Variants in LBX1 observed in about 807,000 individuals in gnomAD.
LBX1 encodes ladybird homeobox 1, also known as transcription factor LBX1.
LBX1 carries 6 observed loss-of-function variants against 19.9 expected under a neutral mutation model. The ratio of observed to expected loss-of-function variants is 0.30; its 90% CI spans 0.17 to 0.60. The LOEUF (loss-of-function observed/expected upper bound fraction) is 0.60. Among genes scored for constraint, LBX1 ranks in the 20% least tolerant of loss-of-function variants. LBX1 has a pLI of 0.87. For synonymous variants in LBX1, 190 were observed against 189.3 expected (o/e 1.00, Z -0.03); for missense variants, 344 against 393.7 (o/e 0.87, Z 1.07).
In LBX1 at chr10:101,228,502, T is replaced by A. The variant is rs1378802505; in HGVS notation, c.314A>T (p.Gln105Leu). The A allele has an allele frequency of 1.9e-6, 3 of 1,550,464 alleles. No homozygotes were observed. In the African/African-American group the frequency reaches 4.1e-5, roughly 21 times the overall value. The stretch of plus-strand genomic sequence containing the variant: ...GCAGCTGCGCCTACCTTCGGCTGCC[T>A]GCAGAACGCTGACCTCCAGCCCCTT... ...TFKGLEVSVL[Q>L]AAEGRDGMTI... The change falls in exon 1 of 2, where the codon CAG (glutamine) becomes CTG (leucine). Residue 105 changes from glutamine to leucine, a missense_variant. Gln to Leu is a moderately radical substitution (Grantham distance 113, BLOSUM62 -2). Transcript: ENST00000370193.
chr10:101,227,619 T>C lies in LBX1; in HGVS notation c.497A>G (p.Asn166Ser). 1 of 1,614,160 alleles carries C rather than the reference T, an allele frequency of 6.2e-7. No individual in the cohort carries two copies. Among genetic ancestry groups the C allele is most frequent in the Non-Finnish European group, 8.5e-7 (1 of 1,180,008 alleles). ...CTGGAACCAGGTGATGACTTGCGCG[T>C]TGGTGAGGCCCAGCTGCTGCGCGAT... The part of the protein sequence containing the change: ...DQIAQQLGLT[N>S]AQVITWFQNR... Residue 166 changes from asparagine to serine, a missense_variant, in exon 2 of 2, where the codon AAC becomes AGC. By Grantham distance (46) the Asn-to-Ser change is conservative (BLOSUM62 1). Transcript: ENST00000370193.
chr10:101,228,639 C>G lies in LBX1; in HGVS notation c.177G>C (p.Leu59=). The G allele has an allele frequency of 6.3e-7, 1 of 1,587,650 alleles. No individual in the cohort carries two copies. Among genetic ancestry groups the G allele is most frequent in the Non-Finnish European group, 8.6e-7 (1 of 1,168,378 alleles). ...GCGCGTGCTTGTCCGCGGCGGCCAGCAGGTGCGCCGCCCCGCACAGCGAGT... is the reference window on the plus strand; with the variant it reads ...GCGCGTGCTTGTCCGCGGCGGCCAGGAGGTGCGCCGCCCCGCACAGCGAGT... ...RSYSLCGAAH[L]LAAADKHAQG... is the part of the protein sequence containing the mutation. Residue 59 remains leucine (L), a synonymous_variant, in exon 1 of 2, where the codon CTG becomes CTC. Coordinates refer to ENST00000370193, the MANE Select transcript of LBX1 (RefSeq NM_006562.5).
chr10:101,227,271 C>A lies in LBX1; in HGVS notation c.845G>T (p.Ter282LeuextTer?). 2 of 1,602,824 alleles carry A rather than the reference C, an allele frequency of 1.2e-6. No individual in the cohort carries two copies. Among genetic ancestry groups the A allele is most frequent in the South Asian group, 2.2e-5 (2 of 90,482 alleles). The change falls in exon 2 of 2, where the codon TGA becomes TTA. Residue 282 changes from the stop codon to leucine (L), a stop_lost. Transcript: ENST00000370193. ...GCGGCGGAAGACCCGGGGCGCCGCT[C>A]AATCGTCCACGTCGATCTCTTCGTC... is the stretch of plus-strand genomic sequence containing the variant. ...EEDEEIDVDD[*>L]
chr10:101,227,238 A>G lies in LBX1; in HGVS notation c.*32T>C. 1 of 1,584,346 alleles carries G rather than the reference A, an allele frequency of 6.3e-7. No individual in the cohort carries two copies. Among genetic ancestry groups the G allele is most frequent in the Non-Finnish European group, 8.6e-7 (1 of 1,168,790 alleles). Reference sequence around the variant, plus strand: ...AGGCGTTGGGCTTTCGAGCGCTAGGAGCCCAGGGCGGCGGAAGACCCGGGG... The same window carrying G: ...AGGCGTTGGGCTTTCGAGCGCTAGGGGCCCAGGGCGGCGGAAGACCCGGGG... On this transcript the variant is annotated 3_prime_UTR_variant, in exon 2 of 2. Transcript: ENST00000370193.
In LBX1 at chr10:101,227,761, G is replaced by C. The variant is rs777481294; in HGVS notation, c.355C>G (p.Arg119Gly). 1 of 1,597,660 alleles carries C rather than the reference G, an allele frequency of 6.3e-7. No homozygotes were observed. The highest frequency in any genetic ancestry group is 8.5e-7 in the Non-Finnish European group (1 of 1,170,210). Residue 119 changes from arginine (R) to glycine (G), a missense_variant, in exon 2 of 2, where the codon CGG becomes GGG. By Grantham distance (125) the Arg-to-Gly change is moderately radical (BLOSUM62 -2). Around this residue, in one of 3 missense-constraint regions of LBX1, gnomAD observed 153 missense variants for 168.9 expected, o/e 0.91. Coordinates refer to ENST00000370193, the MANE Select transcript of LBX1 (RefSeq NM_006562.5). ...GRDGMTIFGQ[R>G]QTPKKRRKSR... ...TTTCGCCGCTTCTTAGGGGTCTGCC[G>C]CTGCCCAAAGATGGTCATACCGTCG...
At position 101,228,181 on chromosome 10, in the gene LBX1, C is replaced by T. The variant is rs1431689625; in HGVS notation, c.325+310G>A. 2.6e-5 allele frequency among the ~76,000 whole-genome samples: 4 copies of T among 152,160 alleles called. No individual in the cohort carries two copies. The East Asian group carries it at 5.8e-4, about 22-fold the overall frequency. ...TCCCCGGCAAAAGACTCTCGATTCC[C>T]CACGCCGAGTAGCCGGGCTAAGAGC... On this transcript the variant is annotated intron_variant, in intron 1 of 1. Transcript: ENST00000370193.
Position 101,228,888 on chromosome 10 carries a change from C to T in LBX1, c.-73G>A. On this transcript the variant is annotated 5_prime_UTR_variant, in exon 1 of 2. Transcript: ENST00000370193. ...CCCAGCCCGCGGGCAGCTCGGGCGC[C>T]GGACGGCGCGGGCAGGCAGCGGCGG... 6 of 1,096,906 alleles carry T rather than the reference C, an allele frequency of 5.5e-6. No homozygotes were observed. Among genetic ancestry groups the T allele is most frequent in the Non-Finnish European group, 7.0e-6 (6 of 852,830 alleles). The allele number at this position is 1,096,906 out of a possible 1,614,324, so 67.9% of individuals were successfully genotyped here.
At chr10:101,228,454 G>T in intron 1 of LBX1, 37 bp downstream of exon 1, 1 of 1,495,140 alleles carries the variant, frequency 6.7e-7, no homozygotes. Flanking sequence ...CAGGGCGCGA[G>T]GCGCTGGGTG....
In LBX1 at chr10:101,228,585, C is replaced by G; in HGVS notation, c.231G>C (p.Ala77=). 1 of 1,555,246 alleles carries G rather than the reference C, an allele frequency of 6.4e-7. No individual in the cohort carries two copies. Among genetic ancestry groups the G allele is most frequent in the Non-Finnish European group, 8.7e-7 (1 of 1,149,536 alleles). The part of the protein sequence containing the change: ...AQGGLPLAGR[A]LLSQTSPLCA... ...ACAGCGGCGAGGTCTGCGAGAGCAG[C>G]GCGCGGCCCGCCAGGGGCAAGCCGC... Residue 77 remains alanine, a synonymous_variant, in exon 1 of 2, where the codon GCG becomes GCC. Transcript: ENST00000370193.
rs189079287 is a variant in LBX1 at position 101,227,819 on chromosome 10, G to T, written c.326-29C>A. On this transcript the variant is annotated intron_variant, in intron 1 of 1. Transcript: ENST00000370193. ...GGAGGAAAGGACAGTGTAGGCTCGC[G>T]TTGGGAGAGAGGAAGCCCACCCTGG... 7.8e-6 allele frequency: 12 copies of T among 1,534,732 alleles called. No homozygotes were observed. In the Admixed American group the frequency reaches 1.4e-4, roughly 18 times the overall value.
chr10:101,228,611 C>G lies in LBX1; in HGVS notation c.205G>C (p.Gly69Arg), dbSNP rs1941074640. 1 of 1,567,232 alleles carries G rather than the reference C, an allele frequency of 6.4e-7. No individual in the cohort carries two copies. The highest frequency in any genetic ancestry group is 1.2e-5 in the South Asian group (1 of 85,700). ...GCGCGGCCCGCCAGGGGCAAGCCGC[C>G]CTGCGCGTGCTTGTCCGCGGCGGCC... ...LLAAADKHAQ[G>R]GLPLAGRALL... The change falls in exon 1 of 2, where the codon GGC (glycine) becomes CGC (arginine). Residue 69 changes from glycine (G) to arginine (R), a missense_variant. This residue lies in a region of LBX1 where 153 missense variants were observed against 168.9 expected (regional missense o/e 0.91). Transcript: ENST00000370193.
At position 101,228,149 on chromosome 10, in the gene LBX1, C is replaced by T. The variant is rs562420858; in HGVS notation, c.325+342G>A. Among the ~76,000 whole-genome samples, 3 of 152,250 alleles carry T rather than the reference C, an allele frequency of 2.0e-5. No individual in the cohort carries two copies. In the East Asian group the frequency reaches 5.8e-4, roughly 29 times the overall value. Reference sequence around the variant, plus strand: ...CCAATCACTTCAACTCTACCCTACCCATAAGGTCCCCGGCAAAAGACTCTC... The same window carrying T: ...CCAATCACTTCAACTCTACCCTACCTATAAGGTCCCCGGCAAAAGACTCTC... On this transcript the variant is annotated intron_variant, in intron 1 of 1. Coordinates refer to ENST00000370193, the MANE Select transcript of LBX1 (RefSeq NM_006562.5).
chr10:101,228,451 C>G, intron 1 of LBX1, 40 bp downstream of exon 1: 1 of 1,485,106 alleles, frequency 6.7e-7, no homozygotes, highest in Middle Eastern at 1.7e-4. Context: ...GCACAGGGCG[C>G]GAGGCGCTGG....
In LBX1 at chr10:101,227,435, C is replaced by T; in HGVS notation, c.681G>A (p.Arg227=). ...CCGGAGAGCCGGGCCTCGACTTGGC[C>T]CTGCCGCAGCCGCCGCCACCGCCGG... ...ATAGGGGGCG[R]AKSRPGSPVL... is the part of the protein sequence containing the mutation. Residue 227 remains arginine, a synonymous_variant, in exon 2 of 2, where the codon AGG becomes AGA. Transcript: ENST00000370193. 1 of 1,594,768 alleles carries T rather than the reference C, an allele frequency of 6.3e-7. No individual in the cohort carries two copies. Among genetic ancestry groups the T allele is most frequent in the Non-Finnish European group, 8.5e-7 (1 of 1,171,228 alleles).
chr10:101,227,092 T>A lies in LBX1; in HGVS notation c.*178A>T. 1.7e-6 allele frequency: 1 copy of A among 583,364 alleles called. No individual in the cohort carries two copies. The highest frequency in any genetic ancestry group is 2.8e-6 in the Non-Finnish European group (1 of 351,848). 36.1% of individuals were successfully genotyped at this position (583,364 alleles called of 1,614,324 possible). On this transcript the variant is annotated 3_prime_UTR_variant, in exon 2 of 2. Transcript: ENST00000370193. Reference sequence around the variant, plus strand: ...TGGCGGCCGGCCCGGCCGGCCAGCCTGGGTTTATTGCTTCGAGAGGGAAGA... The same window carrying A: ...TGGCGGCCGGCCCGGCCGGCCAGCCAGGGTTTATTGCTTCGAGAGGGAAGA...
intron 1 of LBX1, among the ~76,000 whole-genome samples, chr10:101,228,154 G>A (rs1319688248): frequency 2.0e-5 from 3 of 152,086 alleles, no homozygotes; most frequent in African/African-American, 7.2e-5. Context: ...CTACCCATAA[G>A]GTCCCCGGCA....
chr10:101,228,234 C>A (rs1207186430), intron 1 of LBX1, among the ~76,000 whole-genome samples: 1 of 152,152 alleles, frequency 6.6e-6, no homozygotes, highest in Non-Finnish European at 1.5e-5. Context: ...CGCAAGGGAG[C>A]CCGGCAAAGC....
rs925440581 is a variant in LBX1 at position 101,227,415 on chromosome 10, G to A, written c.701C>T (p.Ser234Phe). Reference sequence around the variant, plus strand: ...CGGGGCGCCTGGGGGGAGGACCGGAGAGCCGGGCCTCGACTTGGCCCTGCC... The same window carrying A: ...CGGGGCGCCTGGGGGGAGGACCGGAAAGCCGGGCCTCGACTTGGCCCTGCC... ...GCGRAKSRPG[S>F]PVLPPGAPKA... The change falls in exon 2 of 2, where the codon TCT (serine) becomes TTT (phenylalanine). Residue 234 changes from serine (S) to phenylalanine (F), a missense_variant. By Grantham distance (155) the Ser-to-Phe change is radical. This residue lies in a region of LBX1 where 146 missense variants were observed against 124.2 expected (regional missense o/e 1.18). Coordinates refer to ENST00000370193, the MANE Select transcript of LBX1 (RefSeq NM_006562.5). 1.9e-6 allele frequency: 3 copies of A among 1,598,636 alleles called. No individual in the cohort carries two copies. In the African/African-American group the frequency reaches 4.0e-5, roughly 21 times the overall value.
At position 101,228,688 on chromosome 10, in the gene LBX1, T is replaced by C. The variant is rs1356834055; in HGVS notation, c.128A>G (p.Asn43Ser). The C allele has an allele frequency of 6.2e-7, 1 of 1,608,526 alleles. No homozygotes were observed. Among genetic ancestry groups the C allele is most frequent in the Middle Eastern group, 1.7e-4 (1 of 6,040 alleles). The stretch of plus-strand genomic sequence containing the variant: ...GTAACTTCTCCGCACAGACGGCTTG[T>C]TGAGGATGTCCTCGATGCTGAACGG... ...LTPFSIEDIL[N>S]KPSVRRSYSL... The change falls in exon 1 of 2, where the codon AAC becomes AGC. Residue 43 changes from asparagine (N) to serine (S), a missense_variant. Transcript: ENST00000370193.
Sources: allele counts gnomAD v4.1 joint callset (sites outside exome capture counted in the v4.1 genomes callset), GRCh38; gene constraint gnomAD v4.1.1; regional missense constraint gnomAD v4.1.1; transcripts MANE v1.5; gene names NCBI Gene and HGNC (gene_info 2026-07-23, HGNC 2026-07-21).